Variants in NCAM1 observed in about 807,000 individuals in gnomAD.
The protein encoded by NCAM1 is antigen recognized by monoclonal antibody 5.1H11.
Under a neutral mutation model 109.8 loss-of-function variants are expected in NCAM1, and 14 were observed. The observed-to-expected ratio is 0.13, with a 90% CI of 0.08 to 0.20. NCAM1 has a LOEUF of 0.20. Ranked by LOEUF, NCAM1 falls within the 10% of genes least tolerant of loss-of-function variation. The pLI is 1.00. For missense variants in NCAM1, 774 were observed against 1,109.9 expected (o/e 0.70, Z 4.30); for synonymous variants, 418 against 442.9 (o/e 0.94, Z 0.70).
At chr11:113,080,679 G>A (rs1252281611) in intron 1 of NCAM1, among the ~76,000 whole-genome samples, 1 of 152,172 alleles carries the variant, frequency 6.6e-6, no homozygotes, top group Non-Finnish European at 1.5e-5. Context: ...ATAGTGATAG[G>A]AAGAAAAGGG....
At chr11:113,231,870 C>A in intron 10 of NCAM1, 75 bp downstream of exon 10, 1 of 1,566,676 alleles carries the variant, frequency 6.4e-7, no homozygotes. Flanking sequence ...AAAACATCAG[C>A]AAGGACCTAT....
In NCAM1 at chr11:112,973,777, A is replaced by C. The variant is rs186603417; in HGVS notation, c.52+12113A>C. 6.6e-5 allele frequency among the ~76,000 whole-genome samples: 10 copies of C among 152,254 alleles called. No individual in the cohort carries two copies. The East Asian group carries it at 1.9e-3, about 29-fold the overall frequency. On this transcript the variant is annotated intron_variant, in intron 1 of 19. Coordinates refer to ENST00000316851, the MANE Select transcript of NCAM1 (RefSeq NM_181351.5). ...GGGATATACAATTCGCGTTGGATTT[A>C]AGTATTGATTCTAATGAGAATCACA... is the stretch of plus-strand genomic sequence containing the variant.
In NCAM1 at chr11:112,971,976, A is replaced by G. The variant is rs7932583; in HGVS notation, c.52+10312A>G. Among the ~76,000 whole-genome samples the G allele has an allele frequency of 7.7e-3, 1,170 of 152,308 alleles. 23 individuals carry two copies. Among genetic ancestry groups the G allele is most frequent in the African/African-American group, 0.027 (1,120 of 41,572 alleles). On this transcript the variant is annotated intron_variant, in intron 1 of 19. Coordinates refer to ENST00000316851, the MANE Select transcript of NCAM1 (RefSeq NM_181351.5). ...TTGTAATGACTTTGGATAAGGATAA[A>G]AGGGGCATAGCTGAGATGTTAGAAA... is the stretch of plus-strand genomic sequence containing the variant.
intron 14 of NCAM1, chr11:113,240,872 C>A (rs782658646): frequency 3.5e-5 from 56 of 1,583,762 alleles, no homozygotes; most frequent in Non-Finnish European, 4.8e-5. Flanking sequence ...CTGCAGGTCA[C>A]TTTCCACCAG....
At chr11:113,071,414 T>C (rs2135566453) in intron 1 of NCAM1, among the ~76,000 whole-genome samples, 1 of 147,914 alleles carries the variant, frequency 6.8e-6, no homozygotes, top group Non-Finnish European at 1.5e-5. Context: ...TTGCCATTGT[T>C]GGTTGGATTT....
intron 1 of NCAM1, among the ~76,000 whole-genome samples, chr11:113,015,733 A>AAAAAAC (rs1952190751): frequency 6.6e-6 from 1 of 152,134 alleles, no homozygotes; most frequent in East Asian, 1.9e-4. Flanking sequence ...TCCATCTAAA[A>AAAAAAC]AAAAACAAAA....
rs1555118011 is a variant in NCAM1, at chr11:113,235,121, G to A, written c.1782G>A (p.Leu594=). ...TGGCGGCGCTCAATGGCAAAGGGCT[G>A]GGTGAGATCAGCGCGGCCTCCGAGT... ...VRLAALNGKG[L]GEISAASEFK... is the part of the protein sequence containing the mutation. The change falls in exon 14 of 20, where the codon CTG becomes CTA. Residue 594 remains leucine, a synonymous_variant. Transcript: ENST00000316851. The A allele has an allele frequency of 6.2e-7, 1 of 1,612,696 alleles. No homozygotes were observed. The highest frequency in any genetic ancestry group is 8.5e-7 in the Non-Finnish European group (1 of 1,179,304).
chr11:113,156,150 A>G (rs1281817796), intron 1 of NCAM1, among the ~76,000 whole-genome samples: 1 of 152,184 alleles, frequency 6.6e-6, no homozygotes, highest in African/African-American at 2.4e-5. Flanking sequence ...GGGGAGAAAC[A>G]TGTATATGGG....
intron 1 of NCAM1, among the ~76,000 whole-genome samples, chr11:113,074,225 A>G (rs1267433180): frequency 4.6e-5 from 7 of 152,216 alleles, no homozygotes; most frequent in Non-Finnish European, 1.5e-5. Context: ...ATTGAAGAAG[A>G]AATAATAAAT....
chr11:113,176,977 A>C (rs1943169895), intron 1 of NCAM1, among the ~76,000 whole-genome samples: 1 of 152,236 alleles, frequency 6.6e-6, no homozygotes, highest in African/African-American at 2.4e-5. Flanking sequence ...TGGGTTTACC[A>C]GGAATTATAA....
At chr11:113,098,664 A>C (rs559369204) in intron 1 of NCAM1, among the ~76,000 whole-genome samples, 1 of 152,304 alleles carries the variant, frequency 6.6e-6, no homozygotes, top group East Asian at 1.9e-4. Context: ...TAGAGTGGTC[A>C]GATAAGGACT....
At chr11:113,012,512 T>C (rs1555074689) in intron 1 of NCAM1, among the ~76,000 whole-genome samples, 1 of 152,186 alleles carries the variant, frequency 6.6e-6, no homozygotes, top group African/African-American at 2.4e-5. Context: ...CATTCTCTTA[T>C]AGCATCTGGG....
At chr11:113,053,592 A>G (rs782004406) in intron 1 of NCAM1, among the ~76,000 whole-genome samples, 5 of 152,184 alleles carry the variant, frequency 3.3e-5, no homozygotes, top group African/African-American at 4.8e-5. Context: ...CTTTTTAGTA[A>G]TCTCCATTCT....
At chr11:113,006,764 G>C (rs1322784337) in intron 1 of NCAM1, among the ~76,000 whole-genome samples, 1 of 152,148 alleles carries the variant, frequency 6.6e-6, no homozygotes, top group Non-Finnish European at 1.5e-5. Context: ...GCCCTGAGGG[G>C]ATCCTGGGAG....
chr11:112,996,349 A>T (rs1951597350), intron 1 of NCAM1, among the ~76,000 whole-genome samples: 1 of 152,206 alleles, frequency 6.6e-6, no homozygotes, highest in African/African-American at 2.4e-5. Context: ...AGTACTATTA[A>T]GTGTAGGTAT....
At chr11:113,173,805 C>T (rs1225965438) in intron 1 of NCAM1, among the ~76,000 whole-genome samples, 3 of 151,612 alleles carry the variant, frequency 2.0e-5, no homozygotes, top group East Asian at 3.9e-4. Context: ...ATAGTAAAAC[C>T]GTACCAGCAG....
At chr11:113,065,848 T>C (rs1937927015) in intron 1 of NCAM1, among the ~76,000 whole-genome samples, 1 of 152,212 alleles carries the variant, frequency 6.6e-6, no homozygotes, top group Admixed American at 6.5e-5. Context: ...ATTGGTTCAT[T>C]AATTACAACA....
In NCAM1 at chr11:113,274,816, C is replaced by T. The variant is rs1946369358; in HGVS notation, c.2457-451C>T. ...TGGGTTGCAAAGGGGCCCCTGAAAT[C>T]AGTGCTGGGAGCCCAGCCCAGCCCA... is the stretch of plus-strand genomic sequence containing the variant. On this transcript the variant is annotated intron_variant, in intron 19 of 19. Transcript: ENST00000316851. The surrounding 1 kb of genome is among the most constrained non-coding windows in gnomAD (Gnocchi z 4.1). Among the ~76,000 whole-genome samples the T allele has an allele frequency of 6.6e-6, 1 of 152,200 alleles. No homozygotes were observed. The highest frequency in any genetic ancestry group is 1.5e-5 in the Non-Finnish European group (1 of 68,028).
At chr11:113,037,364 C>A (rs1367715437) in intron 1 of NCAM1, among the ~76,000 whole-genome samples, 1 of 152,204 alleles carries the variant, frequency 6.6e-6, no homozygotes, top group African/African-American at 2.4e-5. Context: ...CCCAGGCAGC[C>A]TGGGGTCTGT....
Sources: allele counts gnomAD v4.1 joint callset (sites outside exome capture counted in the v4.1 genomes callset), GRCh38; gene constraint gnomAD v4.1.1; non-coding constraint Gnocchi (gnomAD v3.1); transcripts MANE v1.5; gene names NCBI Gene and HGNC (gene_info 2026-07-23, HGNC 2026-07-21).